The following GALNT18 variants were observed in gnomAD, a reference collection of about 807,000 sequenced individuals.
GALNT18 encodes the protein polypeptide N-acetylgalactosaminyltransferase 18.
In GALNT18, 44 loss-of-function variants were observed where a neutral mutation model predicts 69.5. The ratio of observed to expected loss-of-function variants is 0.63; its 90% CI spans 0.50 to 0.81. The LOEUF (loss-of-function observed/expected upper bound fraction) is 0.81, where lower values mean the gene tolerates loss of function less well. Among genes scored for constraint, GALNT18 ranks in the 40% least tolerant of loss-of-function variants. The probability of loss-of-function intolerance (pLI) is 0.00; values close to 1 mark genes in which losing one functional copy is unlikely to be tolerated. For synonymous variants in GALNT18, 364 were observed against 318.2 expected, an observed-to-expected ratio of 1.14 and a Z score of -1.53; for missense variants, 715 against 810.0, an observed-to-expected ratio of 0.88 and a Z score of 1.42.
chr11:11,384,723 A>C (rs1296384805), intron 3 of GALNT18, among the ~76,000 whole-genome samples: 1 of 152,134 alleles, frequency 6.6e-6, no homozygotes, highest in Non-Finnish European at 1.5e-5. Flanking sequence ...CCTCACCAGG[A>C]CCCAACCATG....
At chr11:11,513,444 G>A (rs933890682) in intron 1 of GALNT18, among the ~76,000 whole-genome samples, 1 of 152,196 alleles carries the variant, frequency 6.6e-6, no homozygotes, top group Non-Finnish European at 1.5e-5. Context: ...ACTGGCCACA[G>A]GGTCTATCTC....
intron 9 of GALNT18, among the ~76,000 whole-genome samples, chr11:11,310,572 A>G (rs1590028134): frequency 6.6e-6 from 1 of 152,228 alleles, no homozygotes; most frequent in South Asian, 2.1e-4. Context: ...AGTGTCCTTC[A>G]CCCAAGCCAA....
rs374737667 is a variant in GALNT18 at position 11,556,890 on chromosome 11, TA to T, written c.235+64468del. Among the ~76,000 whole-genome samples, 55 of 152,352 alleles carry T rather than the reference TA, an allele frequency of 3.6e-4. No individual in the cohort carries two copies. In the East Asian group the frequency reaches 8.9e-3, roughly 25 times the overall value. ...TTTAAAGGTGTACAGATCCTATTACTAGAAAATCCATTTTTCTATCTTCAAC... is the reference window on the plus strand; with the variant it reads ...TTTAAAGGTGTACAGATCCTATTACTGAAAATCCATTTTTCTATCTTCAAC... On this transcript the variant is annotated intron_variant, in intron 1 of 10. Coordinates refer to ENST00000227756, the MANE Select transcript of GALNT18 (RefSeq NM_198516.3).
rs144321196 is a variant in GALNT18, at chr11:11,616,384, C to T, written c.235+4975G>A. Among the ~76,000 whole-genome samples, 285 of 152,244 alleles carry T rather than the reference C, an allele frequency of 1.9e-3. 2 individuals carry two copies. Among genetic ancestry groups the T allele is most frequent in the African/African-American group, 6.6e-3 (275 of 41,560 alleles). ...GTGGCTGTAAAGAAAGCCTTTCCTT[C>T]TGAAAAAACAATCTTTCATAAAAAT... On this transcript the variant is annotated intron_variant, in intron 1 of 10. Transcript: ENST00000227756. The surrounding 1 kb of genome is among the most constrained non-coding windows in gnomAD (Gnocchi z 4.4).
chr11:11,523,714 A>T lies in GALNT18; in HGVS notation c.236-74778T>A. On this transcript the variant is annotated intron_variant, in intron 1 of 10. Coordinates refer to ENST00000227756, the MANE Select transcript of GALNT18 (RefSeq NM_198516.3). The surrounding 1 kb of genome is among the most constrained non-coding windows in gnomAD (Gnocchi z 4.3). ...AGCCTGGGCAACAGAGCGAGACTCC[A>T]TCTCAAAAAAAAAAAAAAATATCGT... Among the ~76,000 whole-genome samples, 1 of 150,686 alleles carries T rather than the reference A, an allele frequency of 6.6e-6. No homozygotes were observed.
chr11:11,506,006 G>C (rs555868194), intron 1 of GALNT18, among the ~76,000 whole-genome samples: 3 of 152,172 alleles, frequency 2.0e-5, no homozygotes, highest in Non-Finnish European at 2.9e-5. Context: ...ATGTATTATT[G>C]AGGTTTCCTG....
intron 6 of GALNT18, among the ~76,000 whole-genome samples, chr11:11,350,694 G>A (rs1000070194): frequency 6.6e-6 from 1 of 152,168 alleles, no homozygotes; most frequent in African/African-American, 2.4e-5. Context: ...CCACTTCCCG[G>A]GGAAGGCAGG....
Position 11,458,704 on chromosome 11 carries a change from G to A in GALNT18, c.236-9768C>T, listed in dbSNP as rs114721616. On this transcript the variant is annotated intron_variant, in intron 1 of 10. Coordinates refer to ENST00000227756, the MANE Select transcript of GALNT18 (RefSeq NM_198516.3). ...CAGAGGGATCACATCATAAACAGCC[G>A]GAACAGCAGCGTTCAGCCTCAGCTG... is the stretch of plus-strand genomic sequence containing the variant. Among the ~76,000 whole-genome samples the A allele has an allele frequency of 9.5e-3, 1,450 of 152,318 alleles. 26 individuals carry two copies. Among genetic ancestry groups the A allele is most frequent in the African/African-American group, 0.033 (1,360 of 41,566 alleles).
Position 11,377,805 on chromosome 11 carries a change from G to C in GALNT18, c.780-426C>G, listed in dbSNP as rs1380290791. 6.6e-6 allele frequency among the ~76,000 whole-genome samples: 1 copy of C among 152,166 alleles called. No individual in the cohort carries two copies. Among genetic ancestry groups the C allele is most frequent in the Non-Finnish European group, 1.5e-5 (1 of 68,038 alleles). ...TCAACCTGGAGGAAAAGACAGATGA[G>C]GATGGCAGAGACTAGGAGCTGAGAA... On this transcript the variant is annotated intron_variant, in intron 4 of 10. Coordinates refer to ENST00000227756, the MANE Select transcript of GALNT18 (RefSeq NM_198516.3). The surrounding 1 kb of genome is among the most constrained non-coding windows in gnomAD (Gnocchi z 4.6).
intron 1 of GALNT18, among the ~76,000 whole-genome samples, chr11:11,455,573 C>A (rs1212009798): frequency 6.6e-6 from 1 of 152,180 alleles, no homozygotes; most frequent in Non-Finnish European, 1.5e-5. Flanking sequence ...GGGCTCAAAG[C>A]TGCTAGACAG....
rs777506368 is a variant in GALNT18, at chr11:11,320,418, C to A, written c.1512+6668G>T. On this transcript the variant is annotated intron_variant, in intron 9 of 10. Transcript: ENST00000227756. The surrounding 1 kb of genome is among the most constrained non-coding windows in gnomAD (Gnocchi z 4.9). ...CAAAGCTCTCCTTGTCCTATGTGGC[C>A]ATGGTAACAATAAAGATCTTGCTGA... 6.6e-6 allele frequency among the ~76,000 whole-genome samples: 1 copy of A among 152,186 alleles called. No homozygotes were observed. Among genetic ancestry groups the A allele is most frequent in the East Asian group, 1.9e-4 (1 of 5,194 alleles).
chr11:11,408,981 G>A (rs1228084708), intron 3 of GALNT18, among the ~76,000 whole-genome samples: 3 of 152,172 alleles, frequency 2.0e-5, no homozygotes, highest in African/African-American at 4.8e-5. Context: ...ACATATGTGC[G>A]TCCTAATCAC....
rs1859351818 is a variant in GALNT18 at position 11,591,184 on chromosome 11, G to GTC, written c.235+30174_235+30175insGA. ...CGTGTGTGTGTGTGTGTGTGTGTGT[G>GTC]TTAGTTTTTAAGCCTTTTTAAGGCC... On this transcript the variant is annotated intron_variant, in intron 1 of 10. Coordinates refer to ENST00000227756, the MANE Select transcript of GALNT18 (RefSeq NM_198516.3). The surrounding 1 kb of genome is among the most constrained non-coding windows in gnomAD (Gnocchi z 4.8). Among the ~76,000 whole-genome samples, 1 of 151,758 alleles carries GTC rather than the reference G, an allele frequency of 6.6e-6. No homozygotes were observed. The highest frequency in any genetic ancestry group is 1.5e-5 in the Non-Finnish European group (1 of 67,942).
At position 11,494,320 on chromosome 11, in the gene GALNT18, C is replaced by T. The variant is rs1680078592; in HGVS notation, c.236-45384G>A. 6.6e-6 allele frequency among the ~76,000 whole-genome samples: 1 copy of T among 152,164 alleles called. No homozygotes were observed. Among genetic ancestry groups the T allele is most frequent in the Admixed American group, 6.5e-5 (1 of 15,278 alleles). On this transcript the variant is annotated intron_variant, in intron 1 of 10. Coordinates refer to ENST00000227756, the MANE Select transcript of GALNT18 (RefSeq NM_198516.3). This position sits in a 1 kb window ranked among gnomAD's most constrained non-coding sequence, Gnocchi z 5.7. ...TAAAAACTGGGTCCTTTCCCCAGTG[C>T]TTCCTGTCTAGGATCCCATGTGACC... is the stretch of plus-strand genomic sequence containing the variant.
chr11:11,343,056 G>A (rs556334355), intron 6 of GALNT18, among the ~76,000 whole-genome samples: 8 of 152,262 alleles, frequency 5.3e-5, no homozygotes, highest in South Asian at 4.1e-4. Context: ...ACTAAAGAAC[G>A]TCCCTTGCCA....
intron 3 of GALNT18, among the ~76,000 whole-genome samples, chr11:11,426,005 G>T (rs1855120800): frequency 6.6e-6 from 1 of 152,216 alleles, no homozygotes; most frequent in Non-Finnish European, 1.5e-5. Context: ...AAACCAGCAG[G>T]CTCAGAGCTG....
intron 3 of GALNT18, among the ~76,000 whole-genome samples, chr11:11,381,049 G>A (rs745583730): frequency 6.6e-6 from 1 of 152,142 alleles, no homozygotes; most frequent in Non-Finnish European, 1.5e-5. Flanking sequence ...CAGTCCATAC[G>A]GAAATGACCT....
intron 2 of GALNT18, among the ~76,000 whole-genome samples, chr11:11,445,760 G>A (rs557140126): frequency 2.6e-5 from 4 of 152,162 alleles, no homozygotes; most frequent in African/African-American, 4.8e-5. Flanking sequence ...CTGTTTTTCT[G>A]TCTGGAAAAA....
rs115087643 is a variant in GALNT18, at chr11:11,500,929, C to T, written c.236-51993G>A. On this transcript the variant is annotated intron_variant, in intron 1 of 10. Coordinates refer to ENST00000227756, the MANE Select transcript of GALNT18 (RefSeq NM_198516.3). The surrounding 1 kb of genome is among the most constrained non-coding windows in gnomAD (Gnocchi z 5.0). ...TGCACAGCAGGGATGCACCTCAGGC[C>T]GATTTGCTAGCTGACTAGCACAGGG... Among the ~76,000 whole-genome samples the T allele has an allele frequency of 0.01, 1,531 of 152,294 alleles. 26 individuals are homozygous for T. Among genetic ancestry groups the T allele is most frequent in the African/African-American group, 0.035 (1,442 of 41,564 alleles).
Sources: allele counts gnomAD v4.1 joint callset (sites outside exome capture counted in the v4.1 genomes callset), GRCh38; gene constraint gnomAD v4.1.1; non-coding constraint Gnocchi (gnomAD v3.1); transcripts MANE v1.5; gene names NCBI Gene and HGNC (gene_info 2026-07-23, HGNC 2026-07-21).